The following CDH1 variants were observed in gnomAD, a reference collection of about 807,000 sequenced individuals.
CDH1 encodes the protein cadherin-1.
In CDH1, 35 loss-of-function variants were observed where a neutral mutation model predicts 84.5. The ratio of observed to expected loss-of-function variants is 0.41; its 90% CI spans 0.32 to 0.55. CDH1 has a LOEUF of 0.55. CDH1 is among the 20% of genes least tolerant of loss of function. CDH1 has a pLI of 0.19. For synonymous variants in CDH1, 417 were observed against 439.0 expected (o/e 0.95, Z 0.63); for missense variants, 994 against 1,126.6 (o/e 0.88, Z 1.68).
At position 68,746,197 on chromosome 16, in the gene CDH1, G is replaced by A. The variant is rs138580132; in HGVS notation, c.163+7786G>A. Among the ~76,000 whole-genome samples, 1,454 of 152,264 alleles carry A rather than the reference G, an allele frequency of 9.5e-3. 26 individuals carry two copies. The highest frequency in any genetic ancestry group is 0.033 in the African/African-American group (1,369 of 41,566). ...AATCTGCACTTTGGGAGGCCAAGGC[G>A]GGCAGATCATGAGGTCAGGAGTTTG... On this transcript the variant is annotated intron_variant, in intron 2 of 15. Transcript: ENST00000261769.
intron 2 of CDH1, among the ~76,000 whole-genome samples, chr16:68,771,262 G>A (rs1158747434): frequency 6.6e-6 from 1 of 152,144 alleles, no homozygotes; most frequent in Non-Finnish European, 1.5e-5. Context: ...TAGAATCCCA[G>A]AATAGCAGCT....
At chr16:68,746,036 C>T (rs1320727241) in intron 2 of CDH1, among the ~76,000 whole-genome samples, 1 of 152,210 alleles carries the variant, frequency 6.6e-6, no homozygotes, top group Admixed American at 6.5e-5. Context: ...AGTCTGGTCT[C>T]AAGCTCCTGA....
chr16:68,820,800 G>C (rs34635465), intron 11 of CDH1, among the ~76,000 whole-genome samples: 12,283 of 152,110 alleles, frequency 0.081, 518 homozygotes, highest in African/African-American at 0.097. Context: ...GGGTGCTAGG[G>C]TCACACCTGT....
chr16:68,781,031 G>A (rs973299927), intron 2 of CDH1, among the ~76,000 whole-genome samples: 2 of 152,258 alleles, frequency 1.3e-5, no homozygotes, highest in African/African-American at 4.8e-5. Context: ...TGGTCCAGGA[G>A]TCCAGAGATG....
chr16:68,816,088 G>C (rs373926246), intron 10 of CDH1, among the ~76,000 whole-genome samples: 1 of 152,142 alleles, frequency 6.6e-6, no homozygotes, highest in Non-Finnish European at 1.5e-5. Context: ...CGTGATCTCT[G>C]CCTACTGCAG....
chr16:68,771,527 G>A (rs1026502515), intron 2 of CDH1, among the ~76,000 whole-genome samples: 7 of 152,088 alleles, frequency 4.6e-5, no homozygotes, highest in African/African-American at 1.7e-4. Context: ...GTGGAGGCGG[G>A]TGGATCACAA....
intron 2 of CDH1, among the ~76,000 whole-genome samples, chr16:68,775,063 G>T (rs1010404625): frequency 6.6e-6 from 1 of 150,908 alleles, no homozygotes. Context: ...GAGGTCCAGG[G>T]TGCAATGAGC....
rs747235838 is a variant in CDH1, at chr16:68,823,411, T to C, written c.1949T>C (p.Ile650Thr). ...IQYNDPTQES[I>T]ILKPKMALEV... ...TTGCTTTCTCCAGCCCAAGAATCTATCATTTTGAAGCCAAAGATGGCCTTA... is the reference window on the plus strand; with the variant it reads ...TTGCTTTCTCCAGCCCAAGAATCTACCATTTTGAAGCCAAAGATGGCCTTA... Residue 650 changes from isoleucine to threonine, a missense_variant, in exon 13 of 16, where the codon ATC becomes ACC. By Grantham distance (89) the Ile-to-Thr change is moderately conservative. Transcript: ENST00000261769. 1.2e-6 allele frequency: 2 copies of C among 1,611,904 alleles called. No individual in the cohort carries two copies. Among genetic ancestry groups the C allele is most frequent in the Non-Finnish European group, 1.7e-6 (2 of 1,178,050 alleles).
Position 68,740,168 on chromosome 16 carries a change from A to AT in CDH1, c.163+1767dup, listed in dbSNP as rs554750963. Among the ~76,000 whole-genome samples the AT allele has an allele frequency of 1.9e-3, 284 of 149,766 alleles. 1 individual carries two copies. Among genetic ancestry groups the AT allele is most frequent in the Admixed American group, 2.3e-3 (34 of 14,994 alleles). On this transcript the variant is annotated intron_variant, in intron 2 of 15. Coordinates refer to ENST00000261769, the MANE Select transcript of CDH1 (RefSeq NM_004360.5). ...TTGATTGGGTATCACAATAAGAGGC[A>AT]TTTTTTTTTTAAGAGAAATCACCCA...
Position 68,788,041 on chromosome 16 carries a change from T to G in CDH1, c.164-13629T>G, listed in dbSNP as rs532527582. On this transcript the variant is annotated intron_variant, in intron 2 of 15. Coordinates refer to ENST00000261769, the MANE Select transcript of CDH1 (RefSeq NM_004360.5). Reference sequence around the variant, plus strand: ...GAGGTTTCACCATGTTGGCCAGGCCTGTCTTAAACTCCTGACCTCAAGTGA... The same window carrying G: ...GAGGTTTCACCATGTTGGCCAGGCCGGTCTTAAACTCCTGACCTCAAGTGA... 1.8e-3 allele frequency among the ~76,000 whole-genome samples: 276 copies of G among 151,704 alleles called. 2 individuals are homozygous for G. The highest frequency in any genetic ancestry group is 6.1e-3 in the African/African-American group (254 of 41,374).
At chr16:68,760,771 T>G (rs186157641) in intron 2 of CDH1, among the ~76,000 whole-genome samples, 99 of 152,234 alleles carry the variant, frequency 6.5e-4, no homozygotes, top group African/African-American at 2.4e-3. Flanking sequence ...TGGGCTCATT[T>G]AGAATTCAGG....
intron 2 of CDH1, among the ~76,000 whole-genome samples, chr16:68,799,514 G>T (rs1376030792): frequency 6.6e-6 from 1 of 152,066 alleles, no homozygotes; most frequent in Non-Finnish European, 1.5e-5. Flanking sequence ...CAAGACTGGA[G>T]CTGGAGAACC....
chr16:68,738,964 T>TTTAA (rs555202424), intron 2 of CDH1, among the ~76,000 whole-genome samples: 2 of 65,364 alleles, frequency 3.1e-5, no homozygotes, highest in African/African-American at 1.1e-4. Context: ...TTTTTTTTTT[T>TTTAA]AAAGACAGGG....
intron 2 of CDH1, among the ~76,000 whole-genome samples, chr16:68,773,191 G>A (rs375936971): frequency 1.1e-4 from 16 of 152,196 alleles, no homozygotes; most frequent in African/African-American, 1.4e-4. Flanking sequence ...GTGTGTTCCC[G>A]TGCTTCAGCT....
At chr16:68,812,321 T>G in intron 8 of CDH1, 58 bp downstream of exon 8, 2 of 1,571,538 alleles carry the variant, frequency 1.3e-6, no homozygotes, top group Admixed American at 1.7e-5. Context: ...GTTCATGAAC[T>G]AAGTGTCACC....
At chr16:68,769,979 CTTT>C (rs34018552) in intron 2 of CDH1, among the ~76,000 whole-genome samples, 99 of 125,224 alleles carry the variant, frequency 7.9e-4, no homozygotes, top group African/African-American at 2.6e-3. Context: ...CCGCAGCTGG[CTTT>C]TTTTTTTTTT....
chr16:68,804,525 G>A (rs1252476187), intron 3 of CDH1, among the ~76,000 whole-genome samples: 1 of 152,132 alleles, frequency 6.6e-6, no homozygotes, highest in African/African-American at 2.4e-5. Context: ...TGTAGGGAAT[G>A]TAGTCTTTCA....
chr16:68,819,232 T>C (rs902910626), intron 10 of CDH1, 48 bp from the exon 11 acceptor site: 3 of 1,609,452 alleles, frequency 1.9e-6, no homozygotes, highest in Non-Finnish European at 1.7e-6. Context: ...TTCAGCTACA[T>C]GTTGTTTGCT....
chr16:68,800,476 G>A (rs8047632), intron 2 of CDH1, among the ~76,000 whole-genome samples: 2,867 of 152,330 alleles, frequency 0.019, 95 homozygotes, highest in African/African-American at 0.065. Flanking sequence ...AATGAAAACT[G>A]CTGCCTAGGC....
Sources: gnomAD v4.1 joint callset for allele counts (sites outside exome capture counted in the v4.1 genomes callset) on GRCh38, gnomAD v4.1.1 for gene constraint, MANE v1.5 for transcripts, NCBI Gene and HGNC (gene_info 2026-07-23, HGNC 2026-07-21) for gene names.